Variants in INTS4 observed in about 807,000 individuals in gnomAD.
INTS4 encodes the protein MSTP093.
A neutral mutation model predicts 119.5 loss-of-function variants in INTS4; 70 were observed. That is an observed-to-expected ratio of 0.59 (90% confidence interval 0.48 to 0.71). The LOEUF is 0.71. Among genes scored for constraint, INTS4 ranks in the 30% least tolerant of loss-of-function variants. The pLI, the probability that INTS4 is intolerant of heterozygous loss-of-function variation, is 0.00. For missense variants in INTS4, 867 were observed against 1,173.2 expected, an observed-to-expected ratio of 0.74 and a Z score of 3.81; for synonymous variants, 316 against 419.6, an observed-to-expected ratio of 0.75 and a Z score of 3.02.
chr11:77,956,068 T>C lies in INTS4; in HGVS notation c.798-6A>G. 6.3e-7 allele frequency: 1 copy of C among 1,586,594 alleles called. No individual in the cohort carries two copies. Among genetic ancestry groups the C allele is most frequent in the Non-Finnish European group, 8.5e-7 (1 of 1,172,468 alleles). On this transcript the variant is annotated splice_region_variant and splice_polypyrimidine_tract_variant and intron_variant, in intron 7 of 22. Coordinates refer to ENST00000534064, the MANE Select transcript of INTS4 (RefSeq NM_033547.4). ...AAGAAGGAATTGGGACAATGCTAAA[T>C]TAAAAGAAAAGAAATGAAATCACTT...
chr11:77,948,372 C>T (rs143859973), intron 8 of INTS4, among the ~76,000 whole-genome samples: 121 of 152,180 alleles, frequency 8.0e-4, no homozygotes, highest in Middle Eastern at 3.4e-3. Context: ...TATAGCTGGG[C>T]GCGGTGGCTT....
chr11:77,929,557 C>T (rs1277509149), intron 10 of INTS4, among the ~76,000 whole-genome samples: 6 of 152,216 alleles, frequency 3.9e-5, no homozygotes, highest in South Asian at 4.2e-4. Context: ...TATCATTGTT[C>T]GAATTTTAGA....
chr11:77,923,940 TTTTTAGTA>T (rs1953429800), intron 12 of INTS4, among the ~76,000 whole-genome samples: 1 of 150,784 alleles, frequency 6.6e-6, no homozygotes, highest in Non-Finnish European at 1.5e-5. Flanking sequence ...GATTTTTGCA[TTTTTAGTA>T]GAGATGAGGT....
chr11:77,957,641 ATTATCTTCTGT>A lies in INTS4; in HGVS notation c.797+1094_797+1104del, dbSNP rs2136573707. Among the ~76,000 whole-genome samples, 3 of 107,628 alleles carry A rather than the reference ATTATCTTCTGT, an allele frequency of 2.8e-5. No homozygotes were observed. In the South Asian group the frequency reaches 9.3e-4, roughly 33 times the overall value. 70.6% of individuals were successfully genotyped at this position (107,628 alleles called of 152,430 possible). A position where few individuals can be genotyped will look rare whatever the true frequency, so the allele number is the denominator to read the frequency against. The stretch of plus-strand genomic sequence containing the variant: ...CCGAATATTTCATATCCTTAAGTTT[ATTATCTTCTGT>A]AACTGAACTTCTTTTTTTTTTTTTT... On this transcript the variant is annotated intron_variant, in intron 7 of 22. Transcript: ENST00000534064.
At chr11:77,964,487 C>T (rs948834383) in intron 4 of INTS4, among the ~76,000 whole-genome samples, 25 of 151,774 alleles carry the variant, frequency 1.6e-4, no homozygotes, top group Admixed American at 4.6e-4. Flanking sequence ...GGCAGGAGAA[C>T]GGCGTGAACC....
chr11:77,955,509 T>TG (rs1163105701), intron 8 of INTS4, among the ~76,000 whole-genome samples: 43 of 151,768 alleles, frequency 2.8e-4, no homozygotes, highest in African/African-American at 1.0e-3. Context: ...TTTTTTTTTT[T>TG]TTTGAGATGA....
At chr11:77,977,298 A>T (rs1855991309) in intron 4 of INTS4, among the ~76,000 whole-genome samples, 1 of 152,110 alleles carries the variant, frequency 6.6e-6, no homozygotes, top group Non-Finnish European at 1.5e-5. Flanking sequence ...TTAGGTAAAA[A>T]GTATGGTTTA....
At chr11:77,884,662 T>C (rs1951922967) in intron 21 of INTS4, 2 of 225,606 alleles carry the variant, frequency 8.9e-6, no homozygotes, top group Non-Finnish European at 9.7e-6. Context: ...GTGGTCAATG[T>C]TGAAACTGCG....
At chr11:77,947,875 A>G (rs1954085758) in intron 8 of INTS4, among the ~76,000 whole-genome samples, 1 of 152,056 alleles carries the variant, frequency 6.6e-6, no homozygotes, top group African/African-American at 2.4e-5. Flanking sequence ...AGACAGTCTT[A>G]CTCTGATGCC....
chr11:77,989,726 CAA>C (rs143173961), intron 2 of INTS4, among the ~76,000 whole-genome samples: 16 of 76,396 alleles, frequency 2.1e-4, no homozygotes, highest in Admixed American at 3.0e-4. Context: ...CCTGTCTCTA[CAA>C]AAAAAAAAAA....
chr11:77,963,565 A>C, intron 4 of INTS4: 1 of 343,802 alleles, frequency 2.9e-6, no homozygotes, highest in Non-Finnish European at 5.6e-6. Context: ...TCAAAAATAA[A>C]AATTAATTTA....
rs540377536 is a variant in INTS4, at chr11:77,985,732, T to C, written c.247-4156A>G. ...CAGACATGCTGAGCAAATGAAAAAA[T>C]AAGCAAATGGAAAACTTTAGCACTT... On this transcript the variant is annotated intron_variant, in intron 2 of 22. Transcript: ENST00000534064. 3.3e-5 allele frequency among the ~76,000 whole-genome samples: 5 copies of C among 152,028 alleles called. No individual in the cohort carries two copies. In the East Asian group the frequency reaches 9.7e-4, roughly 29 times the overall value.
chr11:77,976,573 T>C (rs181517584), intron 4 of INTS4, among the ~76,000 whole-genome samples: 44 of 152,328 alleles, frequency 2.9e-4, no homozygotes, highest in African/African-American at 8.2e-4. Flanking sequence ...ATCCCATTAC[T>C]GGGTATATAC....
intron 4 of INTS4, among the ~76,000 whole-genome samples, chr11:77,966,573 T>C (rs1855510410): frequency 1.3e-5 from 2 of 152,212 alleles, no homozygotes; most frequent in Non-Finnish European, 2.9e-5. Flanking sequence ...TGTGTGTTCT[T>C]GGCACCACTG....
intron 2 of INTS4, among the ~76,000 whole-genome samples, chr11:77,989,861 T>C (rs1329464203): frequency 6.6e-6 from 1 of 152,130 alleles, no homozygotes; most frequent in African/African-American, 2.4e-5. Flanking sequence ...ATAGCACCAC[T>C]GCACTCCCGC....
chr11:77,992,430 G>A (rs1370894996), intron 1 of INTS4, among the ~76,000 whole-genome samples: 1 of 152,000 alleles, frequency 6.6e-6, no homozygotes, highest in East Asian at 1.9e-4. Context: ...GATGGGCGTA[G>A]TGGCTTACAC....
At chr11:77,884,072 A>G in intron 21 of INTS4, 120 bp from the exon 22 acceptor site, 1 of 1,021,792 alleles carries the variant, frequency 9.8e-7, no homozygotes, top group Non-Finnish European at 1.4e-6. Context: ...CTTTACTAAG[A>G]TTGAGCCTTG....
chr11:77,889,549 T>TAATAA (rs1036330108), intron 21 of INTS4, among the ~76,000 whole-genome samples: 1 of 152,170 alleles, frequency 6.6e-6, no homozygotes, highest in African/African-American at 2.4e-5. Context: ...AGTATAATAA[T>TAATAA]AATAAAATAA....
chr11:77,887,394 A>G (rs575165384), intron 21 of INTS4, among the ~76,000 whole-genome samples: 1 of 152,336 alleles, frequency 6.6e-6, no homozygotes, highest in South Asian at 2.1e-4. Context: ...AAAACTCTCA[A>G]TAAATTAGGT....
Sources: allele counts gnomAD v4.1 joint callset (sites outside exome capture counted in the v4.1 genomes callset), GRCh38; gene constraint gnomAD v4.1.1; transcripts MANE v1.5; gene names NCBI Gene and HGNC (gene_info 2026-07-23, HGNC 2026-07-21).